SGMS1: variants seen among roughly 807,000 people sequenced by gnomAD.
SGMS1 encodes sphingomyelin synthase 1, also known as phosphatidylcholine:ceramide cholinephosphotransferase 1.
In SGMS1, 13 loss-of-function variants were observed where a neutral mutation model predicts 46.2. The ratio of observed to expected loss-of-function variants is 0.28; its 90% CI spans 0.18 to 0.45. The LOEUF is 0.45. Ranked by LOEUF, SGMS1 falls within the 20% of genes least tolerant of loss-of-function variation. The pLI is 1.00. For synonymous variants in SGMS1, 203 were observed against 187.8 expected (o/e 1.08, Z -0.66); for missense variants, 324 against 519.9 (o/e 0.62, Z 3.66).
In SGMS1 at chr10:50,481,576, C is replaced by T. The variant is rs375675434; in HGVS notation, c.-497-14644G>A. Among the ~76,000 whole-genome samples the T allele has an allele frequency of 8.2e-4, 125 of 152,242 alleles. 1 individual carries two copies. The highest frequency in any genetic ancestry group is 2.9e-3 in the African/African-American group (122 of 41,558). On this transcript the variant is annotated intron_variant, in intron 3 of 10. Coordinates refer to ENST00000361781, the MANE Select transcript of SGMS1 (RefSeq NM_147156.4). ...TGAAGGTAGATAGAGAAAGAATCAACTCAAAAACTCTGAAAACTGAAAAAG... is the reference window on the plus strand; with the variant it reads ...TGAAGGTAGATAGAGAAAGAATCAATTCAAAAACTCTGAAAACTGAAAAAG...
At chr10:50,576,313 A>T (rs1345115200) in intron 2 of SGMS1, among the ~76,000 whole-genome samples, 4 of 152,200 alleles carry the variant, frequency 2.6e-5, no homozygotes, top group Non-Finnish European at 5.9e-5. Flanking sequence ...TGACCTCCAC[A>T]CAGGCATCAT....
intron 6 of SGMS1, among the ~76,000 whole-genome samples, chr10:50,371,611 T>C (rs976565357): frequency 4.6e-5 from 7 of 152,216 alleles, no homozygotes; most frequent in African/African-American, 1.7e-4. Context: ...GAACATGCTA[T>C]TGTCTCCACC....
In SGMS1 at chr10:50,482,862, A is replaced by C. The variant is rs191336093; in HGVS notation, c.-497-15930T>G. ...AGGCTCAAAATAAAGGGATGAAGGA[A>C]AATTTACCAAGCAAATGGAAGGCAG... On this transcript the variant is annotated intron_variant, in intron 3 of 10. Coordinates refer to ENST00000361781, the MANE Select transcript of SGMS1 (RefSeq NM_147156.4). Among the ~76,000 whole-genome samples, 34 of 152,328 alleles carry C rather than the reference A, an allele frequency of 2.2e-4. No individual in the cohort carries two copies. The East Asian group carries it at 6.4e-3, about 29-fold the overall frequency.
At chr10:50,516,320 T>C (rs1183517124) in intron 3 of SGMS1, among the ~76,000 whole-genome samples, 1 of 152,180 alleles carries the variant, frequency 6.6e-6, no homozygotes, top group African/African-American at 2.4e-5. Flanking sequence ...ACATGGAGCT[T>C]ACAGAGATGA....
intron 2 of SGMS1, among the ~76,000 whole-genome samples, chr10:50,556,819 A>C (rs1052405292): frequency 6.6e-6 from 1 of 152,226 alleles, no homozygotes; most frequent in African/African-American, 2.4e-5. Context: ...AATCAACATC[A>C]AGTCCACTGA....
chr10:50,602,238 C>G (rs1003020106), intron 1 of SGMS1, among the ~76,000 whole-genome samples: 6 of 152,246 alleles, frequency 3.9e-5, no homozygotes, highest in African/African-American at 1.4e-4. Flanking sequence ...TGCCCCATCT[C>G]TGCTTCTTCA....
rs753606854 is a variant in SGMS1 at position 50,411,737 on chromosome 10, C to T, written c.-232+21739G>A. 7.2e-5 allele frequency among the ~76,000 whole-genome samples: 11 copies of T among 152,206 alleles called. No individual in the cohort carries two copies. In the South Asian group the frequency reaches 1.7e-3, roughly 23 times the overall value. On this transcript the variant is annotated intron_variant, in intron 6 of 10. Coordinates refer to ENST00000361781, the MANE Select transcript of SGMS1 (RefSeq NM_147156.4). ...AGTTTGGTTTGAGTATCAAACTCTC[C>T]GCTTCTGACCCCATAGAACTATGCA...
intron 1 of SGMS1, among the ~76,000 whole-genome samples, chr10:50,610,113 G>C (rs757266411): frequency 3.9e-5 from 6 of 152,134 alleles, no homozygotes; most frequent in Non-Finnish European, 8.8e-5. Context: ...TAAGTCAAAT[G>C]GTCTTCCAGT....
chr10:50,350,108 G>A (rs1261430190), intron 6 of SGMS1, among the ~76,000 whole-genome samples: 3 of 152,162 alleles, frequency 2.0e-5, no homozygotes, highest in African/African-American at 7.2e-5. Flanking sequence ...AGGCTGAGGT[G>A]GACTCAGATG....
At chr10:50,529,484 C>A (rs1452151313) in intron 2 of SGMS1, among the ~76,000 whole-genome samples, 2 of 152,108 alleles carry the variant, frequency 1.3e-5, no homozygotes, top group Admixed American at 1.3e-4. Flanking sequence ...AGGGGCTGCC[C>A]GAGGAGGATT....
chr10:50,349,394 G>A (rs1268362630), intron 6 of SGMS1, among the ~76,000 whole-genome samples: 4 of 152,202 alleles, frequency 2.6e-5, no homozygotes, highest in African/African-American at 4.8e-5. Flanking sequence ...TGTGTGCTAT[G>A]GTAGAAAGAG....
At chr10:50,423,988 G>A (rs1441061876) in intron 6 of SGMS1, among the ~76,000 whole-genome samples, 2 of 152,122 alleles carry the variant, frequency 1.3e-5, no homozygotes, top group African/African-American at 4.8e-5. Context: ...ACACTGCAAG[G>A]CAGATATTAA....
chr10:50,346,843 G>T (rs1372153186), intron 6 of SGMS1, among the ~76,000 whole-genome samples: 1 of 152,030 alleles, frequency 6.6e-6, no homozygotes, highest in East Asian at 1.9e-4. Flanking sequence ...GGGACCACAG[G>T]TGCATGCCAC....
chr10:50,618,636 T>A (rs1838819962), intron 1 of SGMS1, among the ~76,000 whole-genome samples: 2 of 152,104 alleles, frequency 1.3e-5, no homozygotes, highest in African/African-American at 4.8e-5. Flanking sequence ...TAATAACAAA[T>A]TTGAGTAAGA....
chr10:50,489,398 C>T (rs140792609), intron 3 of SGMS1, among the ~76,000 whole-genome samples: 8 of 152,332 alleles, frequency 5.3e-5, no homozygotes, highest in African/African-American at 1.7e-4. Flanking sequence ...TCCATGGGAA[C>T]CTTCAGGATT....
At chr10:50,464,831 A>AAG (rs1418327115) in intron 4 of SGMS1, among the ~76,000 whole-genome samples, 4 of 152,188 alleles carry the variant, frequency 2.6e-5, no homozygotes, top group African/African-American at 9.7e-5. Flanking sequence ...GGAGGGAGGG[A>AAG]AGAAGGGAGA....
At chr10:50,522,010 G>A (rs1269137752) in intron 2 of SGMS1, among the ~76,000 whole-genome samples, 1 of 152,126 alleles carries the variant, frequency 6.6e-6, no homozygotes, top group Admixed American at 6.6e-5. Flanking sequence ...ATCCATTAGT[G>A]ATGTCTGCCT....
At chr10:50,386,225 A>G (rs1448082738) in intron 6 of SGMS1, among the ~76,000 whole-genome samples, 1 of 152,228 alleles carries the variant, frequency 6.6e-6, no homozygotes, top group Non-Finnish European at 1.5e-5. Context: ...ATGAAGAATT[A>G]TAAAACTAAT....
intron 3 of SGMS1, among the ~76,000 whole-genome samples, chr10:50,514,213 A>G (rs1837782621): frequency 6.6e-6 from 1 of 152,224 alleles, no homozygotes; most frequent in Non-Finnish European, 1.5e-5. Flanking sequence ...TTCCAAACTC[A>G]TAAAAGGGCG....
Sources: gnomAD v4.1 joint callset for allele counts (sites outside exome capture counted in the v4.1 genomes callset) on GRCh38, gnomAD v4.1.1 for gene constraint, MANE v1.5 for transcripts, NCBI Gene and HGNC (gene_info 2026-07-23, HGNC 2026-07-21) for gene names.